GPD2: variants seen among roughly 807,000 people sequenced by gnomAD.
GPD2 encodes glycerol-3-phosphate dehydrogenase, mitochondrial.
GPD2 carries 54 observed loss-of-function variants against 82.4 expected under a neutral mutation model. That is an observed-to-expected ratio of 0.66 (90% CI 0.53 to 0.82). The LOEUF (loss-of-function observed/expected upper bound fraction) is 0.82. Ranked by LOEUF, GPD2 falls within the 40% of genes least tolerant of loss-of-function variation. The pLI is 0.00. For missense variants in GPD2, 748 were observed against 896.2 expected, an observed-to-expected ratio of 0.83 and a Z score of 2.11; for synonymous variants, 288 against 306.1, an observed-to-expected ratio of 0.94 and a Z score of 0.62.
chr2:156,492,105 A>G (rs1328076026), intron 2 of GPD2, among the ~76,000 whole-genome samples: 2 of 147,162 alleles, frequency 1.4e-5, no homozygotes, highest in Non-Finnish European at 3.0e-5. Flanking sequence ...GAGAGTTTCA[A>G]TTGTGTTGCA....
At chr2:156,550,836 A>T in intron 8 of GPD2, 90 bp downstream of exon 8, 1 of 1,041,846 alleles carries the variant, frequency 9.6e-7, no homozygotes, top group Non-Finnish European at 1.5e-6. Context: ...ATAGCAATAG[A>T]TGGTCTAACT....
chr2:156,558,765 CTTTTTTTTT>C (rs34524248), intron 9 of GPD2, among the ~76,000 whole-genome samples: 22 of 40,880 alleles, frequency 5.4e-4, no homozygotes, highest in East Asian at 2.3e-3. Context: ...GCCCAGCTAA[CTTTTTTTTT>C]TTTTTTTTTT....
chr2:156,508,846 G>T (rs970099653), intron 3 of GPD2, among the ~76,000 whole-genome samples: 1 of 152,084 alleles, frequency 6.6e-6, no homozygotes, highest in Non-Finnish European at 1.5e-5. Context: ...ATTTTTCTGG[G>T]TTTATATCCT....
At chr2:156,495,552 C>T (rs1205338755) in intron 2 of GPD2, 7 of 440,176 alleles carry the variant, frequency 1.6e-5, no homozygotes, top group Middle Eastern at 3.4e-4. Flanking sequence ...TATGTACCCC[C>T]AAACTCTAGA....
the GPD2 span, among the ~76,000 whole-genome samples, chr2:156,419,183 C>G: frequency 1.3e-5 from 2 of 151,810 alleles, no homozygotes; most frequent in Admixed American, 1.3e-4. Flanking sequence ...CCTCAGCCCC[C>G]CAAGTAGCTG....
chr2:156,523,628 C>A (rs1219375817), intron 6 of GPD2, among the ~76,000 whole-genome samples: 4 of 152,174 alleles, frequency 2.6e-5, no homozygotes, highest in African/African-American at 9.6e-5. Context: ...AACTCTCTTT[C>A]AAACACAGCC....
chr2:156,507,090 T>C (rs1420664563), intron 3 of GPD2, among the ~76,000 whole-genome samples: 2 of 152,028 alleles, frequency 1.3e-5, no homozygotes, highest in Admixed American at 6.6e-5. Flanking sequence ...CTCGGCTCAC[T>C]GCAACCTCCG....
chr2:156,452,052 C>T (rs1011626157), intron 1 of GPD2, among the ~76,000 whole-genome samples: 5 of 151,788 alleles, frequency 3.3e-5, no homozygotes, highest in Non-Finnish European at 7.4e-5. Context: ...CGGGCAGAGA[C>T]GCTCCTCACT....
chr2:156,505,958 C>T (rs1184136009), intron 3 of GPD2, among the ~76,000 whole-genome samples: 1 of 152,146 alleles, frequency 6.6e-6, no homozygotes, highest in Non-Finnish European at 1.5e-5. Context: ...GATTAGATAA[C>T]AGAACCACAG....
At chr2:156,563,040 T>G (rs1420827071) in intron 9 of GPD2, among the ~76,000 whole-genome samples, 2 of 152,190 alleles carry the variant, frequency 1.3e-5, no homozygotes, top group Non-Finnish European at 2.9e-5. Flanking sequence ...TTTCATCTTG[T>G]TTTATTTAAA....
intron 9 of GPD2, among the ~76,000 whole-genome samples, chr2:156,561,146 G>A (rs996998999): frequency 7.2e-6 from 1 of 138,878 alleles, no homozygotes; most frequent in African/African-American, 2.7e-5. Flanking sequence ...CTCCTGGGTT[G>A]AAGCAATTCT....
At chr2:156,434,243 A>G (rs1688361630), upstream of GPD2, among the ~76,000 whole-genome samples, 1 of 152,072 alleles carries the variant, frequency 6.6e-6, no homozygotes, top group African/African-American at 2.4e-5. Context: ...AGCTGGGATT[A>G]CAGGTGTTTG....
the GPD2 span, among the ~76,000 whole-genome samples, chr2:156,419,136 C>T: frequency 2.4e-5 from 3 of 125,920 alleles, no homozygotes; most frequent in Admixed American, 1.1e-4. Flanking sequence ...CTTGGCTTAT[C>T]GCAATCTCTG....
chr2:156,451,652 G>A (rs1309254141), intron 1 of GPD2, among the ~76,000 whole-genome samples: 2 of 138,852 alleles, frequency 1.4e-5, no homozygotes, highest in Admixed American at 7.0e-5. Flanking sequence ...CTGGGCAGAG[G>A]CGCCCCTCAC....
intron 1 of GPD2, among the ~76,000 whole-genome samples, chr2:156,447,936 T>C (rs1682425384): frequency 6.6e-6 from 1 of 152,210 alleles, no homozygotes; most frequent in South Asian, 2.1e-4. Flanking sequence ...ACTTATTCGC[T>C]GAACTCAGGC....
chr2:156,572,234 A>G (rs912068924), intron 13 of GPD2, among the ~76,000 whole-genome samples: 2 of 152,194 alleles, frequency 1.3e-5, no homozygotes, highest in East Asian at 3.8e-4. Flanking sequence ...AAACATTAGT[A>G]TCATACTTTA....
At chr2:156,509,197 A>G (rs928956540) in intron 3 of GPD2, among the ~76,000 whole-genome samples, 2 of 152,152 alleles carry the variant, frequency 1.3e-5, no homozygotes, top group African/African-American at 2.4e-5. Flanking sequence ...TTATTTTTCT[A>G]GGTAGTTAAG....
intron 3 of GPD2, among the ~76,000 whole-genome samples, chr2:156,496,694 T>C (rs1033624049): frequency 4.6e-5 from 7 of 152,172 alleles, no homozygotes; most frequent in African/African-American, 1.7e-4. Context: ...TTATATTTTA[T>C]GAGTTTATTA....
At chr2:156,568,248 A>G (rs1687461697) in intron 9 of GPD2, among the ~76,000 whole-genome samples, 1 of 152,072 alleles carries the variant, frequency 6.6e-6, no homozygotes, top group Non-Finnish European at 1.5e-5. Context: ...AATAATAATA[A>G]CCAATGCTAT....
Sources: allele counts gnomAD v4.1 joint callset (sites outside exome capture counted in the v4.1 genomes callset), GRCh38; gene constraint gnomAD v4.1.1; transcripts MANE v1.5; gene names NCBI Gene and HGNC (gene_info 2026-07-23, HGNC 2026-07-21).